FRMPD2: variants seen among roughly 807,000 people sequenced by gnomAD.
FRMPD2 encodes FERM and PDZ domain containing 2.
In FRMPD2, 96 loss-of-function variants were observed where a neutral mutation model predicts 140.1. That is an observed-to-expected ratio of 0.69 (90% confidence interval 0.58 to 0.81). FRMPD2 has a LOEUF of 0.81. Among genes scored for constraint, FRMPD2 ranks in the 40% least tolerant of loss-of-function variants. The pLI, the probability that FRMPD2 is intolerant of heterozygous loss-of-function variation, is 0.00. For missense variants in FRMPD2, 1,240 were observed against 1,447.4 expected (o/e 0.86, Z 2.32); for synonymous variants, 449 against 547.6 (o/e 0.82, Z 2.52).
At chr10:48,209,326 C>A (rs1035066745) in intron 13 of FRMPD2, among the ~76,000 whole-genome samples, 2 of 152,322 alleles carry the variant, frequency 1.3e-5, no homozygotes, top group South Asian at 2.1e-4. Context: ...TAGGAAAACA[C>A]TGAATTCACC....
chr10:48,163,443 G>GAA lies in FRMPD2; in HGVS notation c.3765_3766insTT (p.His1256PhefsTer25), dbSNP rs1265752997. The GAA allele has an allele frequency of 3.0e-6, 3 of 995,704 alleles. 1 individual carries two copies. The East Asian group carries it at 7.2e-5, about 24-fold the overall frequency. The allele number at this position is 995,704 out of a possible 1,614,324, so 61.7% of individuals were successfully genotyped here. A position where few individuals can be genotyped will look rare whatever the true frequency, so the allele number is the denominator to read the frequency against. ...TGGTGAAGTTTGCATAAATGAGGGTGGGACTCAGGAGAATGTGTCAAGGAA... is the reference window on the plus strand; with the variant it reads ...TGGTGAAGTTTGCATAAATGAGGGTGAAGGACTCAGGAGAATGTGTCAAGGAA... On this transcript the variant is annotated frameshift_variant, in exon 28 of 29. Coordinates refer to ENST00000374201, the MANE Select transcript of FRMPD2 (RefSeq NM_001018071.4). LOFTEE classifies it high-confidence loss of function.
chr10:48,210,346 C>A (rs78690889), intron 13 of FRMPD2, among the ~76,000 whole-genome samples: 13 of 152,350 alleles, frequency 8.5e-5, no homozygotes, highest in Non-Finnish European at 1.9e-4. Flanking sequence ...CTATTCAGTG[C>A]TTTCTGTGAA....
intron 1 of FRMPD2, among the ~76,000 whole-genome samples, chr10:48,253,894 C>T (rs953660544): frequency 1.3e-5 from 2 of 152,148 alleles, no homozygotes; most frequent in Non-Finnish European, 2.9e-5. Context: ...AAGCACATAA[C>T]TGATCGGGTT....
Position 48,180,998 on chromosome 10 carries a change from TC to T in FRMPD2, c.2594del (p.Gly865GlufsTer22). 1.7e-6 allele frequency: 2 copies of T among 1,168,350 alleles called. No homozygotes were observed. The highest frequency in any genetic ancestry group is 2.6e-6 in the Non-Finnish European group (2 of 775,716). 72.4% of individuals were successfully genotyped at this position (1,168,350 alleles called of 1,614,324 possible). Reference protein sequence around the residue: ...LIISQSKGVGGNNPDEEKNST... With the variant: ...LIISQSKGVGXNNPDEEKNST... The stretch of plus-strand genomic sequence containing the variant: ...TATTCTTTTCTTCATCTGGGTTATT[TC>T]CACCAACACCTATAAAAACAAGCCA... On this transcript the variant is annotated frameshift_variant, in exon 21 of 29. Transcript: ENST00000374201. LOFTEE classifies it high-confidence loss of function.
In FRMPD2 at chr10:48,237,612, G is replaced by A. The variant is rs181052382; in HGVS notation, c.921+379C>T. ...TCCTCCCTATAGAAGCCCTCCCTGC[G>A]GCCCTGGATCTATGCTCCCACCTTT... On this transcript the variant is annotated intron_variant, in intron 8 of 28. Transcript: ENST00000374201. Among the ~76,000 whole-genome samples the A allele has an allele frequency of 1.5e-3, 228 of 152,110 alleles. 1 individual carries two copies. Among genetic ancestry groups the A allele is most frequent in the African/African-American group, 5.1e-3 (210 of 41,474 alleles).
chr10:48,243,582 C>A (rs1840175980), intron 4 of FRMPD2, among the ~76,000 whole-genome samples: 1 of 152,202 alleles, frequency 6.6e-6, no homozygotes, highest in Admixed American at 6.5e-5. Context: ...GGAAGCCGGT[C>A]CTGATTATGG....
chr10:48,213,270 TG>T (rs1839372982), intron 12 of FRMPD2, among the ~76,000 whole-genome samples: 1 of 152,240 alleles, frequency 6.6e-6, no homozygotes, highest in African/African-American at 2.4e-5. Flanking sequence ...AGCAGGCTAG[TG>T]CATAAAAAAG....
chr10:48,240,259 TTC>T, intron 6 of FRMPD2, 99 bp downstream of exon 6: 1 of 1,334,104 alleles, frequency 7.5e-7, no homozygotes, highest in Non-Finnish European at 1.0e-6. Context: ...TACATAGGCT[TTC>T]TCTGCCATCA....
At chr10:48,269,238 G>A (rs1840728221) in intron 1 of FRMPD2, among the ~76,000 whole-genome samples, 2 of 152,124 alleles carry the variant, frequency 1.3e-5, no homozygotes, top group Non-Finnish European at 2.9e-5. Context: ...CTGCAGACCA[G>A]GCCCTCTCAT....
intron 15 of FRMPD2, among the ~76,000 whole-genome samples, chr10:48,197,342 C>T (rs1439406004): frequency 2.0e-5 from 3 of 152,102 alleles, no homozygotes; most frequent in Non-Finnish European, 2.9e-5. Flanking sequence ...GTTACACGCA[C>T]ACACCTTCCC....
At chr10:48,251,732 C>A in intron 1 of FRMPD2, 41 bp from the exon 2 acceptor site, 1 of 1,610,146 alleles carries the variant, frequency 6.2e-7, no homozygotes, top group South Asian at 1.1e-5. Flanking sequence ...TCTGCAATGT[C>A]CAGGAACATG....
In FRMPD2 at chr10:48,254,105, C is replaced by T. The variant is rs373307661; in HGVS notation, c.26-2414G>A. ...TCATGCTTGTTCCAATGCACAAGCA[C>T]GATCCCTCTACAGAAGGAAATGTGT... On this transcript the variant is annotated intron_variant, in intron 1 of 28. Coordinates refer to ENST00000374201, the MANE Select transcript of FRMPD2 (RefSeq NM_001018071.4). Among the ~76,000 whole-genome samples the T allele has an allele frequency of 3.9e-5, 6 of 152,114 alleles. No individual in the cohort carries two copies. In the East Asian group the frequency reaches 7.7e-4, roughly 20 times the overall value.
chr10:48,264,338 T>C (rs1004936960), intron 1 of FRMPD2, among the ~76,000 whole-genome samples: 4 of 152,038 alleles, frequency 2.6e-5, no homozygotes, highest in African/African-American at 9.7e-5. Flanking sequence ...AATAAAGTTA[T>C]CTCTGTTCCG....
intron 14 of FRMPD2, among the ~76,000 whole-genome samples, chr10:48,202,648 T>C (rs1839114220): frequency 6.6e-6 from 1 of 152,248 alleles, no homozygotes; most frequent in Admixed American, 6.5e-5. Flanking sequence ...ATAATTCTTC[T>C]TTAGTACTCA....
intron 14 of FRMPD2, 121 bp from the exon 15 acceptor site, chr10:48,201,505 A>G: frequency 2.7e-6 from 2 of 731,684 alleles, no homozygotes; most frequent in Non-Finnish European, 4.5e-6. Flanking sequence ...CCACGGGTGC[A>G]TGGCAGATGC....
Position 48,248,923 on chromosome 10 carries a change from C to T in FRMPD2, c.309+98G>A, listed in dbSNP as rs138360339. 2.9e-4 allele frequency: 322 copies of T among 1,112,542 alleles called. 1 individual carries two copies. The Middle Eastern group carries it at 4.2e-3, about 14-fold the overall frequency. The allele number at this position is 1,112,542 out of a possible 1,614,324, so 68.9% of individuals were successfully genotyped here. A position where few individuals can be genotyped will look rare whatever the true frequency, so the allele number is the denominator to read the frequency against. On this transcript the variant is annotated intron_variant, in intron 3 of 28. Coordinates refer to ENST00000374201, the MANE Select transcript of FRMPD2 (RefSeq NM_001018071.4). The stretch of plus-strand genomic sequence containing the variant: ...CTCTGGCTTGGTGTTGAGAACCAAG[C>T]TCTGCAAGGCTGAGCTGGGAGCTGG...
At chr10:48,199,270 A>G (rs1588824501) in intron 15 of FRMPD2, among the ~76,000 whole-genome samples, 1 of 131,596 alleles carries the variant, frequency 7.6e-6, no homozygotes, top group East Asian at 2.0e-4. Context: ...AAATGAGTTC[A>G]GGCAAAAAAA....
At chr10:48,243,234 C>T (rs904699827) in intron 4 of FRMPD2, among the ~76,000 whole-genome samples, 1 of 152,270 alleles carries the variant, frequency 6.6e-6, no homozygotes, top group African/African-American at 2.4e-5. Flanking sequence ...GAGACAAAGA[C>T]CATAGAGGAT....
intron 24 of FRMPD2, among the ~76,000 whole-genome samples, chr10:48,174,468 G>A (rs375554046): frequency 1.3e-5 from 2 of 152,296 alleles, no homozygotes; most frequent in Non-Finnish European, 1.5e-5. Flanking sequence ...AACAGGGAAC[G>A]GAGTGGGGTC....
Sources: gnomAD v4.1 joint callset for allele counts (sites outside exome capture counted in the v4.1 genomes callset) on GRCh38, gnomAD v4.1.1 for gene constraint, MANE v1.5 for transcripts, NCBI Gene and HGNC (gene_info 2026-07-23, HGNC 2026-07-21) for gene names.